The following SLC5A5 variants were observed in gnomAD, a reference collection of about 807,000 sequenced individuals.
SLC5A5 encodes the protein solute carrier family 5 member 5.
Under a neutral mutation model 68.6 loss-of-function variants are expected in SLC5A5, and 56 were observed. The ratio of observed to expected loss-of-function variants is 0.82; its 90% confidence interval spans 0.66 to 1.02. The LOEUF (loss-of-function observed/expected upper bound fraction) is 1.02. Among genes scored for constraint, SLC5A5 ranks in the 50% least tolerant of loss-of-function variants. The pLI is 0.00. For synonymous variants in SLC5A5, 398 were observed against 373.0 expected (o/e 1.07, Z -0.77); for missense variants, 807 against 859.8 (o/e 0.94, Z 0.77).
Position 17,884,847 on chromosome 19 carries a change from CT to C in SLC5A5, c.1526+811del, listed in dbSNP as rs371579709. On this transcript the variant is annotated intron_variant, in intron 12 of 14. Coordinates refer to ENST00000222248, the MANE Select transcript of SLC5A5 (RefSeq NM_000453.3). ...ACTATCTAAGTCAAGAACGTTTCCT[CT>C]TTTTTTTTTCTAATTTTGTATTTTT... Among the ~76,000 whole-genome samples the C allele has an allele frequency of 1.8e-3, 272 of 148,724 alleles. 6 individuals carry two copies. Among genetic ancestry groups the C allele is most frequent in the African/African-American group, 6.2e-3 (248 of 40,268 alleles).
At chr19:17,890,453 A>G (rs2030121990) in intron 13 of SLC5A5, among the ~76,000 whole-genome samples, 1 of 151,896 alleles carries the variant, frequency 6.6e-6, no homozygotes, top group South Asian at 2.1e-4. Flanking sequence ...GTGCAGTGGC[A>G]CAATGACGGC....
Position 17,880,854 on chromosome 19 carries a change from G to C in SLC5A5, c.970-11G>C, listed in dbSNP as rs758618025. 3.1e-6 allele frequency: 5 copies of C among 1,609,652 alleles called. No homozygotes were observed. The highest frequency in any genetic ancestry group is 3.7e-4 in the Middle Eastern group (2 of 5,344). On this transcript the variant is annotated splice_polypyrimidine_tract_variant and intron_variant, in intron 7 of 14. Transcript: ENST00000222248. Reference sequence around the variant, plus strand: ...CAGCTGTCTGGGAGGCTGACCCCCAGTTCTCCCCAGTACATGCCTCTGCTG... The same window carrying C: ...CAGCTGTCTGGGAGGCTGACCCCCACTTCTCCCCAGTACATGCCTCTGCTG...
At chr19:17,875,258 C>G (rs1372397914) in intron 4 of SLC5A5, among the ~76,000 whole-genome samples, 1 of 151,864 alleles carries the variant, frequency 6.6e-6, no homozygotes. Context: ...TAATCCTAGC[C>G]TCTCAGGAGG....
intron 4 of SLC5A5, 75 bp downstream of exon 4, chr19:17,874,806 G>T: frequency 1.4e-6 from 2 of 1,437,528 alleles, no homozygotes; most frequent in Non-Finnish European, 1.9e-6. Context: ...CTCTGGGCTT[G>T]CCCCTTTCTC....
chr19:17,872,767 C>T (rs984217029), intron 1 of SLC5A5, 91 bp downstream of exon 1: 4 of 831,102 alleles, frequency 4.8e-6, no homozygotes, highest in South Asian at 1.4e-5. Flanking sequence ...GGCCGCTGTA[C>T]AGGAGGACGC....
rs1295590020 is a variant in SLC5A5, at chr19:17,872,356, G to T, written c.37G>T (p.Gly13Ter). 7.6e-6 allele frequency: 12 copies of T among 1,588,670 alleles called. No individual in the cohort carries two copies. The highest frequency in any genetic ancestry group is 1.0e-5 in the Non-Finnish European group (12 of 1,167,976). The stretch of plus-strand genomic sequence containing the variant: ...GGAGACCGGGGAACGGCCCACCTTC[G>T]GAGCCTGGGACTACGGGGTCTTTGC... ...AVETGERPTF[G>*]AWDYGVFALM... is the part of the protein sequence containing the mutation. The change falls in exon 1 of 15, where the codon GGA becomes TGA. Residue 13 changes from glycine to a stop codon, truncating the protein, a stop_gained. Transcript: ENST00000222248. LOFTEE classifies it high-confidence loss of function.
chr19:17,888,149 G>A (rs1049223238), intron 12 of SLC5A5, among the ~76,000 whole-genome samples, 182 bp from the exon 13 acceptor site: 1 of 152,076 alleles, frequency 6.6e-6, no homozygotes, highest in Non-Finnish European at 1.5e-5. Flanking sequence ...CGTCTAGGGT[G>A]GGGATGGGAT....
intron 2 of SLC5A5, 52 bp from the exon 3 acceptor site, chr19:17,874,442 C>T: frequency 6.3e-7 from 1 of 1,576,242 alleles, no homozygotes; most frequent in South Asian, 1.1e-5. Context: ...CTCCCCATCC[C>T]CAACTCGCCC....
intron 2 of SLC5A5, 79 bp downstream of exon 2, chr19:17,874,282 A>AG: frequency 5.4e-6 from 5 of 928,292 alleles, no homozygotes; most frequent in Non-Finnish European, 5.0e-6. Context: ...ACCATTCAAG[A>AG]CCCCGCCCAG....
intron 13 of SLC5A5, among the ~76,000 whole-genome samples, chr19:17,889,417 G>GGAAGGAAGGAAA (rs1568426145): frequency 8.5e-6 from 1 of 117,748 alleles, no homozygotes; most frequent in East Asian, 2.1e-4. Context: ...AAAGAAAGAA[G>GGAAGGAAGGAAA]GAAGGAAGGA....
chr19:17,877,749 A>C lies in SLC5A5; in HGVS notation c.725A>C (p.Tyr242Ser), dbSNP rs1417554802. 1 of 1,614,214 alleles carries C rather than the reference A, an allele frequency of 6.2e-7. No individual in the cohort carries two copies. The highest frequency in any genetic ancestry group is 1.1e-5 in the South Asian group (1 of 91,084). The change falls in exon 6 of 15, where the codon TAT (tyrosine) becomes TCT (serine). Residue 242 changes from tyrosine (Y) to serine (S), a missense_variant. By Grantham distance (144) the Tyr-to-Ser change is moderately radical. Transcript: ENST00000222248. Reference protein sequence around the residue: ...MDFNPDPRSRYTFWTFVVGGT... With the variant: ...MDFNPDPRSRSTFWTFVVGGT... The stretch of plus-strand genomic sequence containing the variant: ...TTTAACCCTGACCCGAGGAGCCGCT[A>C]TACATTCTGGACTTTTGTGGTGGGT...
At chr19:17,889,005 T>C (rs978781867) in intron 13 of SLC5A5, among the ~76,000 whole-genome samples, 1 of 151,948 alleles carries the variant, frequency 6.6e-6, no homozygotes, top group African/African-American at 2.4e-5. Context: ...TACACACTTT[T>C]ATGTGTATAT....
At position 17,877,726 on chromosome 19, in the gene SLC5A5, T is replaced by G; in HGVS notation, c.702T>G (p.Phe234Leu). 6.2e-7 allele frequency: 1 copy of G among 1,614,082 alleles called. No individual in the cohort carries two copies. The highest frequency in any genetic ancestry group is 8.5e-7 in the Non-Finnish European group (1 of 1,179,974). Residue 234 changes from phenylalanine (F) to leucine (L), a missense_variant, in exon 6 of 15, where the codon TTT becomes TTG. By Grantham distance (22) the Phe-to-Leu change is conservative. Transcript: ENST00000222248. ...AACTTGCCCTGTCCCCACCCAGCTTTAACCCTGACCCGAGGAGCCGCTATA... is the reference window on the plus strand; with the variant it reads ...AACTTGCCCTGTCCCCACCCAGCTTGAACCCTGACCCGAGGAGCCGCTATA... ...QNHSRINLMD[F>L]NPDPRSRYTF...
At chr19:17,893,255 A>G (rs2030269272) in intron 14 of SLC5A5, among the ~76,000 whole-genome samples, 3 of 150,852 alleles carry the variant, frequency 2.0e-5, no homozygotes, top group Admixed American at 2.0e-4. Flanking sequence ...GGCATGCACC[A>G]CCGAGTCTGG....
chr19:17,873,033 C>T (rs1182876057), intron 1 of SLC5A5, among the ~76,000 whole-genome samples: 1 of 152,210 alleles, frequency 6.6e-6, no homozygotes, highest in Non-Finnish European at 1.5e-5. Context: ...CTGCTGACGG[C>T]TCCGGGGTTC....
At chr19:17,886,556 C>A (rs1414949565) in intron 12 of SLC5A5, among the ~76,000 whole-genome samples, 1 of 152,126 alleles carries the variant, frequency 6.6e-6, no homozygotes, top group Non-Finnish European at 1.5e-5. Context: ...GATCCGCCTG[C>A]CTTGGCCTCC....
chr19:17,878,031 A>C lies in SLC5A5; in HGVS notation c.907A>C (p.Met303Leu), dbSNP rs770890932. ...CAGCGCTGCCTGCTGTGGCATCGTCATGTTTGTGTTCTACACTGACTGCGA... is the reference window on the plus strand; with the variant it reads ...CAGCGCTGCCTGCTGTGGCATCGTCCTGTTTGTGTTCTACACTGACTGCGA... ...VSSAACCGIV[M>L]FVFYTDCDPL... is the part of the protein sequence containing the mutation. Residue 303 changes from methionine to leucine, a missense_variant, in exon 7 of 15, where the codon ATG becomes CTG. By Grantham distance (15) the Met-to-Leu change is conservative. Transcript: ENST00000222248. 6.2e-7 allele frequency: 1 copy of C among 1,613,124 alleles called. No homozygotes were observed. The highest frequency in any genetic ancestry group is 8.5e-7 in the Non-Finnish European group (1 of 1,179,984).
At chr19:17,885,414 C>G (rs2094331063) in intron 12 of SLC5A5, among the ~76,000 whole-genome samples, 1 of 151,960 alleles carries the variant, frequency 6.6e-6, no homozygotes, top group African/African-American at 2.4e-5. Flanking sequence ...GGGTCTCACT[C>G]TAACACCCAG....
intron 12 of SLC5A5, among the ~76,000 whole-genome samples, chr19:17,886,706 G>GTCCT (rs1244568318): frequency 6.6e-6 from 1 of 152,074 alleles, no homozygotes; most frequent in Non-Finnish European, 1.5e-5. Context: ...ACTTCTCCAC[G>GTCCT]TCCTCGCCAA....
Sources: gnomAD v4.1 joint callset for allele counts (sites outside exome capture counted in the v4.1 genomes callset) on GRCh38, gnomAD v4.1.1 for gene constraint, MANE v1.5 for transcripts, NCBI Gene and HGNC (gene_info 2026-07-23, HGNC 2026-07-21) for gene names.